The following WWOX variants were observed in gnomAD, a reference collection of about 807,000 sequenced individuals.
WWOX encodes the protein WW domain containing oxidoreductase.
Under a neutral mutation model 46.2 loss-of-function variants are expected in WWOX, and 69 were observed. The ratio of observed to expected loss-of-function variants is 1.49; its 90% CI spans 1.23 to 1.82. WWOX has a LOEUF of 1.82. WWOX is among the 40% of genes most tolerant of loss of function. The pLI is 0.00. For missense variants in WWOX, 919 were observed against 542.6 expected (o/e 1.69, Z -6.89); for synonymous variants, 359 against 202.6 (o/e 1.77, Z -6.56).
chr16:78,700,556 T>C (rs990533993), intron 8 of WWOX, among the ~76,000 whole-genome samples: 3 of 152,198 alleles, frequency 2.0e-5, no homozygotes, highest in Admixed American at 6.5e-5. Flanking sequence ...TTACTGTCAG[T>C]GCAGCCTTCA....
chr16:79,152,833 G>A (rs1392512991), intron 8 of WWOX, among the ~76,000 whole-genome samples: 2 of 152,132 alleles, frequency 1.3e-5, no homozygotes, highest in Non-Finnish European at 2.9e-5. Context: ...GGTGGAGGCC[G>A]AGACAGCTTG....
At chr16:78,867,232 G>C (rs1471793287) in intron 8 of WWOX, among the ~76,000 whole-genome samples, 1 of 152,114 alleles carries the variant, frequency 6.6e-6, no homozygotes, top group African/African-American at 2.4e-5. Flanking sequence ...AAGAAGTTTA[G>C]GTGCAAAGGA....
At chr16:78,713,763 C>A (rs114940313) in intron 8 of WWOX, among the ~76,000 whole-genome samples, 1 of 152,124 alleles carries the variant, frequency 6.6e-6, no homozygotes, top group Non-Finnish European at 1.5e-5. Flanking sequence ...GTGAGAAAAT[C>A]AATTTCTGTT....
intron 8 of WWOX, among the ~76,000 whole-genome samples, chr16:79,095,386 T>C (rs947470558): frequency 1.3e-5 from 2 of 152,076 alleles, no homozygotes; most frequent in Admixed American, 6.6e-5. Flanking sequence ...TATTCTTATT[T>C]TCAGAATGGA....
intron 8 of WWOX, among the ~76,000 whole-genome samples, chr16:79,166,506 C>T (rs1393566675): frequency 6.6e-6 from 1 of 152,174 alleles, no homozygotes; most frequent in Non-Finnish European, 1.5e-5. Context: ...CAGAACCACA[C>T]CATACGGGCA....
chr16:78,386,111 C>T (rs576817165), intron 5 of WWOX, among the ~76,000 whole-genome samples: 1 of 152,298 alleles, frequency 6.6e-6, no homozygotes, highest in Admixed American at 6.5e-5. Context: ...AGTTCTTGTA[C>T]TCAATTTCCT....
intron 8 of WWOX, among the ~76,000 whole-genome samples, chr16:78,588,640 CTT>C (rs1310516962): frequency 6.6e-6 from 1 of 152,178 alleles, no homozygotes; most frequent in African/African-American, 2.4e-5. Context: ...CATTGAGTCA[CTT>C]GAGTTCTTGT....
At chr16:79,075,612 G>A (rs1403458391) in intron 8 of WWOX, among the ~76,000 whole-genome samples, 1 of 151,644 alleles carries the variant, frequency 6.6e-6, no homozygotes, top group Non-Finnish European at 1.5e-5. Context: ...GAGTTTAGTG[G>A]CATGATCTTG....
chr16:78,630,493 A>G (rs1049384510), intron 8 of WWOX, among the ~76,000 whole-genome samples: 2 of 152,158 alleles, frequency 1.3e-5, no homozygotes, highest in Admixed American at 6.5e-5. Flanking sequence ...AAAACTGTGG[A>G]CACTGAGTCC....
chr16:78,238,340 C>T (rs1384387945), intron 5 of WWOX, among the ~76,000 whole-genome samples: 1 of 152,148 alleles, frequency 6.6e-6, no homozygotes, highest in East Asian at 1.9e-4. Context: ...CACTTCATCA[C>T]CCAGGCTGGA....
chr16:79,067,714 C>T (rs193105204), intron 8 of WWOX, among the ~76,000 whole-genome samples: 5 of 152,238 alleles, frequency 3.3e-5, no homozygotes, highest in African/African-American at 1.2e-4. Flanking sequence ...AGAAGGTAAA[C>T]TCATCTGCAG....
chr16:78,649,529 G>A (rs534631716), intron 8 of WWOX, among the ~76,000 whole-genome samples: 11 of 152,008 alleles, frequency 7.2e-5, no homozygotes, highest in South Asian at 2.1e-4. Context: ...CTCCTGCCTC[G>A]GCCTCCCAAA....
intron 5 of WWOX, among the ~76,000 whole-genome samples, chr16:78,365,728 T>G (rs1462321393): frequency 1.3e-5 from 2 of 152,180 alleles, no homozygotes; most frequent in African/African-American, 4.8e-5. Context: ...GTAAGCAATC[T>G]CCTTATTTCT....
intron 8 of WWOX, among the ~76,000 whole-genome samples, chr16:79,027,852 A>G (rs542681387): frequency 3.1e-4 from 47 of 152,018 alleles, no homozygotes; most frequent in Middle Eastern, 3.4e-3. Context: ...TGAACATAGC[A>G]TAGAAACAGC....
At chr16:78,678,131 T>C (rs2047647336) in intron 8 of WWOX, among the ~76,000 whole-genome samples, 1 of 152,216 alleles carries the variant, frequency 6.6e-6, no homozygotes. Context: ...GAATGAAGGC[T>C]TAAGGTTTTG....
intron 8 of WWOX, among the ~76,000 whole-genome samples, chr16:78,477,796 A>G (rs1310610118): frequency 1.3e-5 from 2 of 152,194 alleles, no homozygotes; most frequent in African/African-American, 2.4e-5. Context: ...TATGAATTCA[A>G]GTCAAACACA....
chr16:78,890,366 T>C (rs890507135), intron 8 of WWOX: 1 of 152,250 alleles, frequency 6.6e-6, no homozygotes, highest in South Asian at 2.1e-4. Flanking sequence ...ACCTCCATCA[T>C]TCTTAAATTT....
intron 8 of WWOX, among the ~76,000 whole-genome samples, chr16:79,157,533 C>G (rs545474891): frequency 1.3e-5 from 2 of 151,994 alleles, no homozygotes; most frequent in African/African-American, 4.8e-5. Flanking sequence ...AGGCATTTGG[C>G]ATGTAGTGGA....
chr16:79,003,802 A>T (rs962642269), intron 8 of WWOX, among the ~76,000 whole-genome samples: 2 of 152,108 alleles, frequency 1.3e-5, no homozygotes, highest in African/African-American at 4.8e-5. Context: ...AGAGGGTGTC[A>T]CTTCCACTGC....
Sources: allele counts gnomAD v4.1 joint callset (sites outside exome capture counted in the v4.1 genomes callset), GRCh38; gene constraint gnomAD v4.1.1; transcripts MANE v1.5; gene names NCBI Gene and HGNC (gene_info 2026-07-23, HGNC 2026-07-21).